Variants in MBNL1 observed in about 807,000 individuals in gnomAD.
The protein encoded by MBNL1 is muscleblind-like protein 1.
In MBNL1, 8 loss-of-function variants were observed where a neutral mutation model predicts 42.2. The observed-to-expected ratio is 0.19, with a 90% confidence interval of 0.11 to 0.34. The LOEUF (loss-of-function observed/expected upper bound fraction) is 0.34, where lower values mean the gene tolerates loss of function less well. MBNL1 is among the 10% of genes least tolerant of loss of function. The probability of loss-of-function intolerance (pLI) is 1.00; values close to 1 mark genes in which losing one functional copy is unlikely to be tolerated. For synonymous variants in MBNL1, 169 were observed against 173.9 expected (o/e 0.97, Z 0.22); for missense variants, 309 against 495.3 (o/e 0.62, Z 3.57).
intron 2 of MBNL1, among the ~76,000 whole-genome samples, chr3:152,305,310 T>C (rs539974055): frequency 2.6e-5 from 4 of 152,296 alleles, no homozygotes; most frequent in East Asian, 3.9e-4. Context: ...CACAGACACC[T>C]AGGGACCTAG....
intron 2 of MBNL1, among the ~76,000 whole-genome samples, chr3:152,359,083 C>A (rs1168561670): frequency 6.6e-6 from 1 of 152,006 alleles, no homozygotes; most frequent in South Asian, 2.1e-4. Context: ...ACCTTATATC[C>A]CTGAAATAAC....
chr3:152,445,231 GCTTCTT>G (rs752679019), intron 4 of MBNL1, 45 bp from the exon 5 acceptor site: 3 of 1,518,352 alleles, frequency 2.0e-6, no homozygotes, highest in East Asian at 2.3e-5. Context: ...TCTTCAGAAA[GCTTCTT>G]CTTCTTCATG....
intron 1 of MBNL1, among the ~76,000 whole-genome samples, chr3:152,290,245 C>T (rs916895793): frequency 1.3e-5 from 2 of 151,840 alleles, no homozygotes; most frequent in African/African-American, 4.8e-5. Context: ...AAATTCTGAA[C>T]AGTGTGGCAA....
chr3:152,377,556 GT>G (rs2096964130), intron 2 of MBNL1, among the ~76,000 whole-genome samples: 3 of 152,166 alleles, frequency 2.0e-5, no homozygotes, highest in Admixed American at 1.3e-4. Flanking sequence ...ACTGTGTATA[GT>G]ACACATTATA....
intron 1 of MBNL1, among the ~76,000 whole-genome samples, chr3:152,286,439 T>A (rs906203446): frequency 3.5e-5 from 2 of 57,060 alleles, no homozygotes; most frequent in East Asian, 7.2e-4. Flanking sequence ...TATAAATATT[T>A]ATATTTTATT....
chr3:152,415,380 G>A (rs1262962660), intron 3 of MBNL1, among the ~76,000 whole-genome samples: 2 of 152,108 alleles, frequency 1.3e-5, no homozygotes, highest in Non-Finnish European at 2.9e-5. Flanking sequence ...AAGACTGGCA[G>A]ATGTTAAAAT....
Position 152,425,549 on chromosome 3 carries a change from A to G in MBNL1, c.346-7168A>G, listed in dbSNP as rs139981593. Reference sequence around the variant, plus strand: ...CTTGAACCTGGGAGGCGGAGGTTGCAGTGACCCGAGATCACGCCACTGCAC... The same window carrying G: ...CTTGAACCTGGGAGGCGGAGGTTGCGGTGACCCGAGATCACGCCACTGCAC... On this transcript the variant is annotated intron_variant, in intron 3 of 9. Coordinates refer to ENST00000324210, the MANE Select transcript of MBNL1 (RefSeq NM_021038.5). Among the ~76,000 whole-genome samples, 559 of 152,098 alleles carry G rather than the reference A, an allele frequency of 3.7e-3. 3 individuals carry two copies. The highest frequency in any genetic ancestry group is 0.013 in the African/African-American group (535 of 41,478).
At chr3:152,401,576 G>A (rs2098219997) in intron 2 of MBNL1, among the ~76,000 whole-genome samples, 1 of 152,136 alleles carries the variant, frequency 6.6e-6, no homozygotes, top group Non-Finnish European at 1.5e-5. Flanking sequence ...TACGGCTTGG[G>A]CAGGGAGTTT....
At chr3:152,336,259 G>T (rs1392265817) in intron 2 of MBNL1, among the ~76,000 whole-genome samples, 2 of 151,878 alleles carry the variant, frequency 1.3e-5, no homozygotes, top group African/African-American at 2.4e-5. Flanking sequence ...TTTTTTGGGG[G>T]TTTGTTTCAT....
At chr3:152,291,526 C>G (rs183571545) in intron 1 of MBNL1, among the ~76,000 whole-genome samples, 1 of 152,202 alleles carries the variant, frequency 6.6e-6, no homozygotes, top group East Asian at 1.9e-4. Context: ...TGTAATTTGT[C>G]GAAAATACAA....
intron 2 of MBNL1, among the ~76,000 whole-genome samples, chr3:152,406,708 A>G (rs560157850): frequency 6.6e-6 from 1 of 152,284 alleles, no homozygotes; most frequent in East Asian, 1.9e-4. Flanking sequence ...TTGCGTCAAT[A>G]GTGAGGATAT....
chr3:152,292,736 A>G (rs1018070014), intron 1 of MBNL1, among the ~76,000 whole-genome samples: 2 of 151,690 alleles, frequency 1.3e-5, no homozygotes, highest in African/African-American at 4.8e-5. Context: ...ATATGTATCT[A>G]TTCTTTAAAT....
intron 1 of MBNL1, among the ~76,000 whole-genome samples, chr3:152,294,718 A>G (rs1371474946): frequency 6.6e-6 from 1 of 152,218 alleles, no homozygotes; most frequent in African/African-American, 2.4e-5. Context: ...ATTTACAGAC[A>G]AAATTTATTT....
chr3:152,400,446 A>G (rs1579565185), intron 2 of MBNL1, among the ~76,000 whole-genome samples: 2 of 152,360 alleles, frequency 1.3e-5, no homozygotes, highest in East Asian at 3.9e-4. Flanking sequence ...ACTAAATTGT[A>G]TAGAATCTAT....
chr3:152,257,662 C>CA (rs2035643909), intron 2 of MBNL1, among the ~76,000 whole-genome samples: 1 of 152,148 alleles, frequency 6.6e-6, no homozygotes, highest in Admixed American at 6.5e-5. Flanking sequence ...AGTCAGGAGA[C>CA]ACATTTTTCA....
chr3:152,246,861 G>A (rs938122115), intron 2 of MBNL1, among the ~76,000 whole-genome samples: 25 of 151,910 alleles, frequency 1.6e-4, no homozygotes, highest in Non-Finnish European at 3.7e-4. Flanking sequence ...TTAAATGGAT[G>A]TTCTCCTCCT....
At chr3:152,394,175 A>G (rs976430157) in intron 2 of MBNL1, among the ~76,000 whole-genome samples, 3 of 152,210 alleles carry the variant, frequency 2.0e-5, no homozygotes, top group Non-Finnish European at 1.5e-5. Flanking sequence ...AATTTTTCCA[A>G]AGGGTAACAG....
chr3:152,334,855 A>G (rs1181324703), intron 2 of MBNL1, among the ~76,000 whole-genome samples: 2 of 152,206 alleles, frequency 1.3e-5, no homozygotes, highest in Non-Finnish European at 2.9e-5. Flanking sequence ...ATTTCATAGT[A>G]ACAGTGTATT....
chr3:152,461,132 C>G (rs925258270), intron 9 of MBNL1, among the ~76,000 whole-genome samples: 1 of 152,132 alleles, frequency 6.6e-6, no homozygotes, highest in African/African-American at 2.4e-5. Context: ...AGAACCAACT[C>G]AGAAACCCTT....
Sources: gnomAD v4.1 joint callset for allele counts (sites outside exome capture counted in the v4.1 genomes callset) on GRCh38, gnomAD v4.1.1 for gene constraint, MANE v1.5 for transcripts, NCBI Gene and HGNC (gene_info 2026-07-23, HGNC 2026-07-21) for gene names.